BUB1: variants seen among roughly 807,000 people sequenced by gnomAD.
BUB1 encodes the protein mitotic checkpoint serine/threonine-protein kinase BUB1.
A neutral mutation model predicts 135.2 loss-of-function variants in BUB1; 84 were observed. The ratio of observed to expected loss-of-function variants is 0.62; its 90% CI spans 0.52 to 0.74. The LOEUF (loss-of-function observed/expected upper bound fraction) is 0.74, where lower values mean the gene tolerates loss of function less well. Ranked by LOEUF, BUB1 falls within the 30% of genes least tolerant of loss-of-function variation. The pLI, the probability that BUB1 is intolerant of heterozygous loss-of-function variation, is 0.00. For missense variants in BUB1, 1,162 were observed against 1,288.3 expected (o/e 0.90, Z 1.50); for synonymous variants, 403 against 434.4 (o/e 0.93, Z 0.90).
intron 19 of BUB1, among the ~76,000 whole-genome samples, chr2:110,646,553 A>G (rs938948914): frequency 1.2e-4 from 18 of 152,218 alleles, no homozygotes; most frequent in African/African-American, 1.7e-4. Flanking sequence ...ACCAAAATAG[A>G]CAACATTCTG....
Position 110,672,712 on chromosome 2 carries a change from C to T in BUB1, c.371G>A (p.Arg124Lys), listed in dbSNP as rs761855882. ...ELQHASAVLQ[R>K]GIQNQAEPRE... ...GGGTTCAGCCTGGTTTTGAATTCCT[C>T]TCTGAAGGACAGCACTGGCATGCTG... The change falls in exon 4 of 25, where the codon AGA (arginine) becomes AAA (lysine). Residue 124 changes from arginine (R) to lysine (K), a missense_variant. Arg to Lys is a conservative substitution (Grantham distance 26, BLOSUM62 2). Coordinates refer to ENST00000302759, the MANE Select transcript of BUB1 (RefSeq NM_004336.5). 6.2e-7 allele frequency: 1 copy of T among 1,612,610 alleles called. No individual in the cohort carries two copies. Among genetic ancestry groups the T allele is most frequent in the Non-Finnish European group, 8.5e-7 (1 of 1,179,452 alleles).
At position 110,672,767 on chromosome 2, in the gene BUB1, C is replaced by T. The variant is rs1179910010; in HGVS notation, c.316G>A (p.Ala106Thr). The change falls in exon 4 of 25, where the codon GCG becomes ACG. Residue 106 changes from alanine to threonine, a missense_variant. Transcript: ENST00000302759. The part of the protein sequence containing the change: ...TLSSPLYIAW[A>T]GHLEAQGELQ... ...TCTCCTTGGGCTTCCAGATGCCCCGCCCAGGCAATGTACAGAGGGGATGAC... is the reference window on the plus strand; with the variant it reads ...TCTCCTTGGGCTTCCAGATGCCCCGTCCAGGCAATGTACAGAGGGGATGAC... 6.2e-6 allele frequency: 10 copies of T among 1,614,138 alleles called. No homozygotes were observed. The highest frequency in any genetic ancestry group is 5.9e-6 in the Non-Finnish European group (7 of 1,180,010).
Position 110,667,816 on chromosome 2 carries a change from A to C in BUB1, c.601T>G (p.Cys201Gly). Reference sequence around the variant, plus strand: ...ACTTGCATATTTGACTCTTTATCACAAGCTGAAGATATCACTCCAGAAAGC... The same window carrying C: ...ACTTGCATATTTGACTCTTTATCACCAGCTGAAGATATCACTCCAGAAAGC... Reference protein sequence around the residue: ...SELSGVISSACDKESNMERRV... With the variant: ...SELSGVISSAGDKESNMERRV... The change falls in exon 7 of 25, where the codon TGT becomes GGT. Residue 201 changes from cysteine to glycine, a missense_variant. Physicochemically the swap from Cys to Gly is radical, Grantham distance 159. Coordinates refer to ENST00000302759, the MANE Select transcript of BUB1 (RefSeq NM_004336.5). The C allele has an allele frequency of 6.2e-7, 1 of 1,613,498 alleles. No homozygotes were observed. The highest frequency in any genetic ancestry group is 8.5e-7 in the Non-Finnish European group (1 of 1,179,872).
At chr2:110,649,117 C>A in intron 19 of BUB1, 117 bp downstream of exon 19, 1 of 948,734 alleles carries the variant, frequency 1.1e-6, no homozygotes, top group Non-Finnish European at 1.5e-6. Context: ...ATACAACTCC[C>A]TATTGGAGGT....
At chr2:110,674,406 A>C (rs770122541) in intron 1 of BUB1, 41 bp from the exon 2 acceptor site, 25 of 1,578,982 alleles carry the variant, frequency 1.6e-5, no homozygotes, top group Non-Finnish European at 2.0e-5. Context: ...ATTAGGGATA[A>C]TTTCTACAAG....
rs371563396 is a variant in BUB1, at chr2:110,655,807, G to A, written c.1808C>T (p.Ala603Val). The change falls in exon 16 of 25, where the codon GCT becomes GTT. Residue 603 changes from alanine (A) to valine (V), a missense_variant. By Grantham distance (64) the Ala-to-Val change is moderately conservative. Coordinates refer to ENST00000302759, the MANE Select transcript of BUB1 (RefSeq NM_004336.5). Reference sequence around the variant, plus strand: ...GAATGGTGTAGACGCAAGTTGTGCAGCAGATGTGAAGTCTCCTGGGCTCTT... The same window carrying A: ...GAATGGTGTAGACGCAAGTTGTGCAACAGATGTGAAGTCTCCTGGGCTCTT... ...SPKSPGDFTSAAQLASTPFHK... is the reference protein window; with the variant it reads ...SPKSPGDFTSVAQLASTPFHK... 19 of 1,613,872 alleles carry A rather than the reference G, an allele frequency of 1.2e-5. No individual in the cohort carries two copies. The African/African-American group carries it at 1.9e-4, about 16-fold the overall frequency.
chr2:110,653,602 A>C, intron 16 of BUB1, 79 bp from the exon 17 acceptor site: 1 of 1,206,822 alleles, frequency 8.3e-7, no homozygotes, highest in Non-Finnish European at 1.2e-6. Flanking sequence ...TATGGTTACA[A>C]AGTCTAGGAT....
In BUB1 at chr2:110,642,333, C is replaced by A; in HGVS notation, c.2348-99G>T. The A allele has an allele frequency of 4.2e-6, 3 of 708,112 alleles. No homozygotes were observed. The South Asian group carries it at 6.6e-5, about 16-fold the overall frequency. 43.9% of individuals were successfully genotyped at this position (708,112 alleles called of 1,614,324 possible). Reference sequence around the variant, plus strand: ...ACAAAGACATAGAGTTTTCTGTATACTTCGCATCCACTGTCTGCAGTTGTT... The same window carrying A: ...ACAAAGACATAGAGTTTTCTGTATAATTCGCATCCACTGTCTGCAGTTGTT... On this transcript the variant is annotated intron_variant, in intron 19 of 24. Coordinates refer to ENST00000302759, the MANE Select transcript of BUB1 (RefSeq NM_004336.5).
In BUB1 at chr2:110,653,416, CAAAT is replaced by C. The variant is rs750936453; in HGVS notation, c.1964+16_1964+19del. The stretch of plus-strand genomic sequence containing the variant: ...ATGAAAATGAAGAGAATGGCAGAAC[CAAAT>C]AAACCCTCACAATACCTGAATTTTC... On this transcript the variant is annotated intron_variant, in intron 17 of 24. Transcript: ENST00000302759. 1 of 1,603,792 alleles carries C rather than the reference CAAAT, an allele frequency of 6.2e-7. No individual in the cohort carries two copies. The highest frequency in any genetic ancestry group is 8.5e-7 in the Non-Finnish European group (1 of 1,171,318).
chr2:110,642,090 T>C, intron 20 of BUB1, 29 bp downstream of exon 20: 1 of 1,498,082 alleles, frequency 6.7e-7, no homozygotes, highest in Non-Finnish European at 9.1e-7. Context: ...CATTTCTATA[T>C]CATACAAAAG....
chr2:110,651,355 G>C (rs1407014776), intron 17 of BUB1, among the ~76,000 whole-genome samples: 3 of 151,894 alleles, frequency 2.0e-5, no homozygotes, highest in Non-Finnish European at 4.4e-5. Context: ...GTGTATGTTT[G>C]TGTGGTCGTT....
At chr2:110,655,672 C>G in intron 16 of BUB1, 67 bp downstream of exon 16, 1 of 1,371,310 alleles carries the variant, frequency 7.3e-7, no homozygotes, top group Non-Finnish European at 9.8e-7. Context: ...AAGAATCAAA[C>G]TTCATGAAGA....
intron 24 of BUB1, among the ~76,000 whole-genome samples, chr2:110,638,529 C>T (rs1689419939): frequency 2.0e-5 from 3 of 152,206 alleles, no homozygotes; most frequent in Non-Finnish European, 2.9e-5. Context: ...AGCCTAACTG[C>T]ATATGCACCA....
rs568819198 is a variant in BUB1, at chr2:110,673,701, C to T, written c.225+385G>A. Among the ~76,000 whole-genome samples, 6 of 152,182 alleles carry T rather than the reference C, an allele frequency of 3.9e-5. No individual in the cohort carries two copies. The South Asian group carries it at 1.2e-3, about 32-fold the overall frequency. On this transcript the variant is annotated intron_variant, in intron 3 of 24. Coordinates refer to ENST00000302759, the MANE Select transcript of BUB1 (RefSeq NM_004336.5). ...GCAACCTCCACCTCCCAGGCTCGAGCAATTCTCCTGCCATAGCCCCCCGAG... is the reference window on the plus strand; with the variant it reads ...GCAACCTCCACCTCCCAGGCTCGAGTAATTCTCCTGCCATAGCCCCCCGAG...
At chr2:110,666,524 A>G in intron 8 of BUB1, 110 bp from the exon 9 acceptor site, 1 of 819,204 alleles carries the variant, frequency 1.2e-6, no homozygotes. Context: ...TTTTTTTATT[A>G]GTCTTTCTCA....
At chr2:110,666,111 G>T (rs537631444) in intron 9 of BUB1, 152 bp downstream of exon 9, 2 of 724,942 alleles carry the variant, frequency 2.8e-6, no homozygotes, top group Non-Finnish European at 3.8e-6. Context: ...ACTCTACATT[G>T]TGAACGTCTA....
chr2:110,658,298 C>A, intron 13 of BUB1, 112 bp downstream of exon 13: 1 of 808,098 alleles, frequency 1.2e-6, no homozygotes, highest in Non-Finnish European at 1.9e-6. Flanking sequence ...CATTCCCTGC[C>A]TTTATGTGAC....
chr2:110,662,251 A>C (rs1690120481), intron 9 of BUB1, among the ~76,000 whole-genome samples: 1 of 152,236 alleles, frequency 6.6e-6, no homozygotes, highest in African/African-American at 2.4e-5. Context: ...AGGGCTTGAA[A>C]AAGGGAAAAA....
chr2:110,640,227 T>G (rs1689466951), intron 23 of BUB1, among the ~76,000 whole-genome samples: 1 of 152,168 alleles, frequency 6.6e-6, no homozygotes, highest in Non-Finnish European at 1.5e-5. Flanking sequence ...TGTTGTGTGA[T>G]ATGTTCATAA....
Sources: allele counts gnomAD v4.1 joint callset (sites outside exome capture counted in the v4.1 genomes callset), GRCh38; gene constraint gnomAD v4.1.1; transcripts MANE v1.5; gene names NCBI Gene and HGNC (gene_info 2026-07-23, HGNC 2026-07-21).